Variants in ADCY3 observed in about 807,000 individuals in gnomAD.
The protein encoded by ADCY3 is adenylate cyclase type 3.
In ADCY3, 70 loss-of-function variants were observed where a neutral mutation model predicts 119.4. That is an observed-to-expected ratio of 0.59 (90% CI 0.48 to 0.72). The LOEUF (loss-of-function observed/expected upper bound fraction) is 0.72, where lower values mean the gene tolerates loss of function less well. ADCY3 is among the 30% of genes least tolerant of loss of function. The pLI, the probability that ADCY3 is intolerant of heterozygous loss-of-function variation, is 0.00. For synonymous variants in ADCY3, 672 were observed against 621.4 expected (o/e 1.08, Z -1.21); for missense variants, 1,238 against 1,541.6 (o/e 0.80, Z 3.30).
intron 21 of ADCY3, 100 bp from the exon 22 acceptor site, chr2:24,820,214 G>C (rs1448719816): frequency 1.2e-5 from 15 of 1,246,384 alleles, no homozygotes; most frequent in Non-Finnish European, 1.5e-5. Context: ...CTGATCCATG[G>C]GTCCCAAGCA....
Position 24,919,195 on chromosome 2 carries a change from C to CTACCTGTG in ADCY3, c.-197-12_-197-11insCACAGGTA. The CTACCTGTG allele has an allele frequency of 1.7e-6, 1 of 585,042 alleles. No homozygotes were observed. The allele number at this position is 585,042 out of a possible 1,614,324, so 36.2% of individuals were successfully genotyped here. A position where few individuals can be genotyped will look rare whatever the true frequency, so the allele number is the denominator to read the frequency against. ...ACTGATCAGCTAGAACTGAAAAGGG[C>CTACCTGTG]ATTGCTGAGTAGAAGCACCTCTTCC... On this transcript the variant is annotated splice_polypyrimidine_tract_variant and intron_variant, in intron 1 of 21. Coordinates refer to ENST00000679454, the MANE Select transcript of ADCY3 (RefSeq NM_004036.5). This position sits in a 1 kb window ranked among gnomAD's most constrained non-coding sequence, Gnocchi z 5.5.
intron 2 of ADCY3, among the ~76,000 whole-genome samples, chr2:24,914,713 G>A (rs891519926): frequency 2.0e-5 from 3 of 151,458 alleles, no homozygotes; most frequent in African/African-American, 7.3e-5. Context: ...ACAGGCAGGG[G>A]CTAGAGGATG....
chr2:24,831,640 T>G, intron 12 of ADCY3, 22 bp downstream of exon 12: 1 of 1,601,930 alleles, frequency 6.2e-7, no homozygotes, highest in Non-Finnish European at 8.5e-7. Flanking sequence ...GCTTCTGAGC[T>G]CAGTAGAAAA....
chr2:24,913,255 C>T (rs1573069112), intron 2 of ADCY3, among the ~76,000 whole-genome samples: 1 of 152,366 alleles, frequency 6.6e-6, no homozygotes, highest in Admixed American at 6.5e-5. Context: ...CCCGATTCAG[C>T]CCCCTGCCTT....
intron 9 of ADCY3, among the ~76,000 whole-genome samples, chr2:24,836,073 G>A (rs902192098): frequency 2.0e-5 from 3 of 152,180 alleles, no homozygotes. Flanking sequence ...GGCAGCAGCG[G>A]GAACCTGTTC....
intron 2 of ADCY3, among the ~76,000 whole-genome samples, chr2:24,912,542 T>C (rs1663852239): frequency 6.7e-6 from 1 of 150,186 alleles, no homozygotes; most frequent in Admixed American, 6.6e-5. Flanking sequence ...AGCCCAGGAG[T>C]GAGCACGCAT....
chr2:24,877,941 A>G (rs1225901058), intron 2 of ADCY3: 9 of 471,094 alleles, frequency 1.9e-5, no homozygotes, highest in Non-Finnish European at 3.5e-5. Context: ...GAGGTTGAGA[A>G]GCCTGCTCTG....
intron 2 of ADCY3, among the ~76,000 whole-genome samples, chr2:24,895,063 C>T (rs1678097675): frequency 6.6e-6 from 1 of 151,930 alleles, no homozygotes; most frequent in South Asian, 2.1e-4. Flanking sequence ...AATCTGATTA[C>T]AATGTGCCTT....
At position 24,872,167 on chromosome 2, in the gene ADCY3, G is replaced by A. The variant is rs1249823979; in HGVS notation, c.825+403C>T. On this transcript the variant is annotated intron_variant, in intron 3 of 21. Transcript: ENST00000679454. The surrounding 1 kb of genome is among the most constrained non-coding windows in gnomAD (Gnocchi z 4.4). ...GACCAGCAAGAGTGGTGGTGGAGGC[G>A]TGACGTGAAGGAATGCCCGTGATGC... is the stretch of plus-strand genomic sequence containing the variant. Among the ~76,000 whole-genome samples, 4 of 152,224 alleles carry A rather than the reference G, an allele frequency of 2.6e-5. No individual in the cohort carries two copies. Among genetic ancestry groups the A allele is most frequent in the South Asian group, 4.1e-4 (2 of 4,832 alleles).
chr2:24,827,495 C>T, intron 15 of ADCY3, 51 bp downstream of exon 15: 1 of 1,549,564 alleles, frequency 6.5e-7, no homozygotes, highest in Non-Finnish European at 8.8e-7. Context: ...ATTCCTGTCT[C>T]TAGAAGAAGG....
intron 3 of ADCY3, among the ~76,000 whole-genome samples, chr2:24,871,437 G>A (rs1235351112): frequency 6.6e-6 from 1 of 152,220 alleles, no homozygotes; most frequent in Non-Finnish European, 1.5e-5. Flanking sequence ...AATGAGATTG[G>A]TAAACGGGGA....
In ADCY3 at chr2:24,872,592, A is replaced by G; in HGVS notation, c.803T>C (p.Leu268Pro). The G allele has an allele frequency of 6.2e-7, 1 of 1,614,100 alleles. No homozygotes were observed. The highest frequency in any genetic ancestry group is 8.5e-7 in the Non-Finnish European group (1 of 1,180,006). The change falls in exon 3 of 22, where the codon CTG (leucine) becomes CCG (proline). Residue 268 changes from leucine to proline, a missense_variant. Physicochemically the swap from Leu to Pro is moderately conservative, Grantham distance 98 (BLOSUM62 -3). Around this residue, in one of 7 missense-constraint regions of ADCY3, gnomAD observed 283 missense variants for 437.2 expected, o/e 0.65. Transcript: ENST00000679454. This position sits in a 1 kb window ranked among gnomAD's most constrained non-coding sequence, Gnocchi z 4.4. ...CACCTGCTGCTGGCTCTGCTCTTCC[A>G]GGTTCATCTTCACCTCCAGCGACTG... ...ARQSLEVKMN[L>P]EEQSQQQENL...
intron 2 of ADCY3, among the ~76,000 whole-genome samples, chr2:24,905,495 A>T (rs1030848394): frequency 6.6e-6 from 1 of 152,222 alleles, no homozygotes; most frequent in Non-Finnish European, 1.5e-5. Context: ...TTTATTAAAC[A>T]GGGGCTGAGG....
At chr2:24,824,339 A>G in intron 17 of ADCY3, 39 bp downstream of exon 17, 1 of 1,605,990 alleles carries the variant, frequency 6.2e-7, no homozygotes, top group Non-Finnish European at 8.5e-7. Flanking sequence ...GATGGAGACA[A>G]ATGGCCTCAT....
intron 7 of ADCY3, 55 bp downstream of exon 7, chr2:24,839,818 G>T: frequency 6.2e-7 from 1 of 1,610,004 alleles, no homozygotes; most frequent in Non-Finnish European, 8.5e-7. Flanking sequence ...CTGGGGGATG[G>T]AGGGGACGGT....
intron 2 of ADCY3, among the ~76,000 whole-genome samples, chr2:24,888,992 G>C (rs1221220742): frequency 6.6e-6 from 1 of 152,232 alleles, no homozygotes; most frequent in Non-Finnish European, 1.5e-5. Context: ...ATGGGCGACA[G>C]AGCGAGACTC....
At chr2:24,909,205 T>C (rs1663280751) in intron 2 of ADCY3, among the ~76,000 whole-genome samples, 1 of 152,134 alleles carries the variant, frequency 6.6e-6, no homozygotes, top group Non-Finnish European at 1.5e-5. Context: ...GCCCTCATGG[T>C]GCCACGCCTG....
intron 17 of ADCY3, among the ~76,000 whole-genome samples, chr2:24,824,015 A>C (rs895381748): frequency 6.6e-6 from 1 of 152,160 alleles, no homozygotes; most frequent in African/African-American, 2.4e-5. Flanking sequence ...ATAAATTTTA[A>C]AACAGCTTCT....
intron 2 of ADCY3, among the ~76,000 whole-genome samples, chr2:24,875,427 G>A (rs1289142800): frequency 6.6e-6 from 1 of 152,234 alleles, no homozygotes; most frequent in Non-Finnish European, 1.5e-5. Context: ...AGCCTCCAGG[G>A]CCAGGCCACA....
Sources: gnomAD v4.1 joint callset for allele counts (sites outside exome capture counted in the v4.1 genomes callset) on GRCh38, gnomAD v4.1.1 for gene constraint, gnomAD v4.1.1 regional missense constraint, Gnocchi (gnomAD v3.1) non-coding constraint, MANE v1.5 for transcripts, NCBI Gene and HGNC (gene_info 2026-07-23, HGNC 2026-07-21) for gene names.